Variants in MCPH1 observed in about 807,000 individuals in gnomAD.
MCPH1 encodes microcephalin 1, also known as microcephalin.
Under a neutral mutation model 84.5 loss-of-function variants are expected in MCPH1, and 104 were observed. The ratio of observed to expected loss-of-function variants is 1.23; its 90% CI spans 1.05 to 1.45. The LOEUF (loss-of-function observed/expected upper bound fraction) is 1.45, where lower values mean the gene tolerates loss of function less well. Among genes scored for constraint, MCPH1 ranks in the 40% most tolerant of loss-of-function variants. The probability of loss-of-function intolerance (pLI) is 0.00; values close to 1 mark genes in which losing one functional copy is unlikely to be tolerated. For synonymous variants in MCPH1, 514 were observed against 366.8 expected (o/e 1.40, Z -4.58); for missense variants, 1,498 against 1,005.7 (o/e 1.49, Z -6.62).
intron 12 of MCPH1, chr8:6,532,496 G>C (rs759069460): frequency 8.8e-6 from 14 of 1,594,462 alleles, no homozygotes; most frequent in East Asian, 2.3e-5. Flanking sequence ...AGCTAGAAAA[G>C]AACAGTGTTA....
At chr8:6,478,036 G>C (rs1266974064) in intron 10 of MCPH1, among the ~76,000 whole-genome samples, 3 of 152,234 alleles carry the variant, frequency 2.0e-5, no homozygotes, top group African/African-American at 7.2e-5. Context: ...TTAATAGCTT[G>C]TTGGCATGCT....
At chr8:6,586,556 C>G (rs1241796655) in intron 12 of MCPH1, among the ~76,000 whole-genome samples, 1 of 152,172 alleles carries the variant, frequency 6.6e-6, no homozygotes, top group Non-Finnish European at 1.5e-5. Context: ...CATCTACCCA[C>G]TCTGTGCCGG....
intron 9 of MCPH1, among the ~76,000 whole-genome samples, chr8:6,466,024 GGCTCACT>G (rs780821179): frequency 2.3e-4 from 35 of 151,410 alleles, no homozygotes; most frequent in Non-Finnish European, 4.4e-4. Context: ...GCGCTATCTT[GGCTCACT>G]GCAACCTCTG....
At chr8:6,605,382 T>A (rs1411477606) in intron 12 of MCPH1, among the ~76,000 whole-genome samples, 1 of 151,996 alleles carries the variant, frequency 6.6e-6, no homozygotes, top group African/African-American at 2.4e-5. Context: ...GAGCAGGGAG[T>A]CCTTGCCTTT....
At chr8:6,625,798 A>G in intron 13 of MCPH1, 1 of 985,266 alleles carries the variant, frequency 1.0e-6, no homozygotes, top group Middle Eastern at 5.2e-4. Flanking sequence ...AAGAAAAAAA[A>G]AAGAATCATT....
At chr8:6,606,008 T>G (rs555645819) in intron 12 of MCPH1, among the ~76,000 whole-genome samples, 3 of 152,294 alleles carry the variant, frequency 2.0e-5, no homozygotes, top group Admixed American at 6.5e-5. Context: ...TGTAAAAAAT[T>G]TTTAAAGCCA....
intron 12 of MCPH1, among the ~76,000 whole-genome samples, chr8:6,572,311 T>C (rs1286995796): frequency 6.6e-6 from 1 of 152,228 alleles, no homozygotes; most frequent in Non-Finnish European, 1.5e-5. Context: ...TTTTCATTTA[T>C]AGATCAAAAA....
At chr8:6,442,041 A>G in intron 6 of MCPH1, 26 bp from the exon 7 acceptor site, 1 of 1,509,648 alleles carries the variant, frequency 6.6e-7, no homozygotes, top group Non-Finnish European at 9.2e-7. Flanking sequence ...ACTTTATCTA[A>G]TGCAGTGTCT....
In MCPH1 at chr8:6,642,981, GCTCT is replaced by G. The variant is rs761267827; in HGVS notation, c.2453-6_2453-3del. The G allele has an allele frequency of 1.6e-5, 26 of 1,612,706 alleles. No homozygotes were observed. The highest frequency in any genetic ancestry group is 1.6e-4 in the African/African-American group (12 of 74,792). ...TATTATGAATGCTAAACTGCTTTTC[GCTCT>G]CTCTCTAGATTCCATCACCCAGCAC... is the stretch of plus-strand genomic sequence containing the variant. On this transcript the variant is annotated splice_polypyrimidine_tract_variant and intron_variant, in intron 13 of 13. Transcript: ENST00000344683.
intron 12 of MCPH1, among the ~76,000 whole-genome samples, chr8:6,542,462 G>C (rs1821783531): frequency 1.3e-5 from 2 of 152,088 alleles, no homozygotes; most frequent in South Asian, 2.1e-4. Context: ...CTGTAATATT[G>C]TCGGAGTGTC....
intron 11 of MCPH1, among the ~76,000 whole-genome samples, chr8:6,490,944 T>C (rs1810492658): frequency 5.4e-5 from 1 of 18,432 alleles, no homozygotes; most frequent in Admixed American, 1.2e-3. Flanking sequence ...ATATTAATAA[T>C]ATAATATCAA....
intron 12 of MCPH1, among the ~76,000 whole-genome samples, chr8:6,601,978 A>C (rs1290471943): frequency 6.6e-6 from 1 of 152,242 alleles, no homozygotes; most frequent in Non-Finnish European, 1.5e-5. Flanking sequence ...TTAATTCTTT[A>C]AGTATGTCTC....
chr8:6,510,290 T>C (rs1383137345), intron 12 of MCPH1, among the ~76,000 whole-genome samples: 2 of 152,084 alleles, frequency 1.3e-5, no homozygotes, highest in Non-Finnish European at 2.9e-5. Context: ...CGTTGGGTCC[T>C]CACGTCCTGA....
At chr8:6,521,719 C>T (rs1381682859) in intron 12 of MCPH1, among the ~76,000 whole-genome samples, 2 of 152,176 alleles carry the variant, frequency 1.3e-5, no homozygotes, top group African/African-American at 4.8e-5. Flanking sequence ...GATGCTGCAG[C>T]GCTCAGAAGA....
chr8:6,444,013 G>A (rs1268822604), intron 7 of MCPH1, among the ~76,000 whole-genome samples: 1 of 152,210 alleles, frequency 6.6e-6, no homozygotes, highest in Non-Finnish European at 1.5e-5. Flanking sequence ...TGCAAGTCTA[G>A]AACTTTCCCT....
intron 12 of MCPH1, among the ~76,000 whole-genome samples, chr8:6,534,043 C>G (rs567783104): frequency 6.6e-6 from 1 of 152,244 alleles, no homozygotes; most frequent in East Asian, 1.9e-4. Flanking sequence ...AAGCTCCCAG[C>G]TCCCTGCATG....
intron 12 of MCPH1, among the ~76,000 whole-genome samples, chr8:6,594,512 G>C (rs767515921): frequency 3.3e-5 from 5 of 152,244 alleles, no homozygotes; most frequent in Admixed American, 2.0e-4. Context: ...ATCATATCCA[G>C]TGAATTCTGA....
intron 12 of MCPH1, among the ~76,000 whole-genome samples, chr8:6,523,682 C>T (rs892473729): frequency 3.3e-5 from 5 of 152,076 alleles, no homozygotes; most frequent in East Asian, 1.9e-4. Context: ...CTCCGCCTCC[C>T]GGATTCAAGC....
chr8:6,464,847 A>T (rs1240294988), intron 9 of MCPH1, among the ~76,000 whole-genome samples: 2 of 152,148 alleles, frequency 1.3e-5, no homozygotes, highest in Non-Finnish European at 2.9e-5. Context: ...AAAATACAAA[A>T]AATTACCTGG....
Sources: allele counts gnomAD v4.1 joint callset (sites outside exome capture counted in the v4.1 genomes callset), GRCh38; gene constraint gnomAD v4.1.1; transcripts MANE v1.5; gene names NCBI Gene and HGNC (gene_info 2026-07-23, HGNC 2026-07-21).